MLLT3: variants seen among roughly 807,000 people sequenced by gnomAD.
MLLT3 encodes the protein protein AF-9.
A neutral mutation model predicts 53.2 loss-of-function variants in MLLT3; 4 were observed. The ratio of observed to expected loss-of-function variants is 0.08; its 90% CI spans 0.04 to 0.17. MLLT3 has a LOEUF of 0.17. Ranked by LOEUF, MLLT3 falls within the 10% of genes least tolerant of loss-of-function variation. MLLT3 has a pLI of 1.00. For synonymous variants in MLLT3, 283 were observed against 230.6 expected (o/e 1.23, Z -2.06); for missense variants, 569 against 684.0 (o/e 0.83, Z 1.87).
At chr9:20,396,098 C>T (rs1043473188) in intron 5 of MLLT3, among the ~76,000 whole-genome samples, 3 of 151,998 alleles carry the variant, frequency 2.0e-5, no homozygotes, top group Admixed American at 2.0e-4. Context: ...GGCAATGTCA[C>T]CTCATGAACA....
Position 20,402,667 on chromosome 9 carries a change from T to C in MLLT3, c.1125+11054A>G, listed in dbSNP as rs540598044. Among the ~76,000 whole-genome samples, 5 of 152,176 alleles carry C rather than the reference T, an allele frequency of 3.3e-5. No homozygotes were observed. In the South Asian group the frequency reaches 6.2e-4, roughly 19 times the overall value. ...TTTCCGTTTTGCCTAGTGATTTTTT[T>C]CCCCCCTGAAATACATCAAGTCATG... On this transcript the variant is annotated intron_variant, in intron 5 of 10. Coordinates refer to ENST00000380338, the MANE Select transcript of MLLT3 (RefSeq NM_004529.4).
intron 2 of MLLT3, among the ~76,000 whole-genome samples, chr9:20,593,309 A>G (rs1045275288): frequency 6.6e-6 from 1 of 152,164 alleles, no homozygotes; most frequent in South Asian, 2.1e-4. Flanking sequence ...AGAAACCCCA[A>G]GTTATCCTGG....
At chr9:20,462,319 A>C (rs1227539179) in intron 2 of MLLT3, among the ~76,000 whole-genome samples, 1 of 152,126 alleles carries the variant, frequency 6.6e-6, no homozygotes, top group Admixed American at 6.6e-5. Flanking sequence ...TATTTCCTCC[A>C]TTTCCTTGAA....
chr9:20,582,661 G>C (rs779937121), intron 2 of MLLT3, among the ~76,000 whole-genome samples: 1 of 152,066 alleles, frequency 6.6e-6, no homozygotes, highest in African/African-American at 2.4e-5. Flanking sequence ...CATGATAGGA[G>C]GTGAAACACA....
At chr9:20,379,235 C>T (rs1425338164) in intron 5 of MLLT3, among the ~76,000 whole-genome samples, 3 of 152,008 alleles carry the variant, frequency 2.0e-5, no homozygotes, top group East Asian at 1.9e-4. Context: ...GTTCTCACAG[C>T]CTGGACGTTG....
intron 10 of MLLT3, among the ~76,000 whole-genome samples, chr9:20,348,787 G>C (rs1333431773): frequency 1.3e-5 from 2 of 152,158 alleles, no homozygotes; most frequent in African/African-American, 2.4e-5. Flanking sequence ...TGTTTTATTA[G>C]TTATTAGTAA....
chr9:20,458,797 G>C (rs1225603457), intron 2 of MLLT3, among the ~76,000 whole-genome samples: 2 of 152,178 alleles, frequency 1.3e-5, no homozygotes, highest in Non-Finnish European at 2.9e-5. Context: ...ATCCTGAATG[G>C]GTAAGCACAG....
intron 2 of MLLT3, among the ~76,000 whole-genome samples, chr9:20,463,281 T>TG (rs535496818): frequency 5.2e-4 from 77 of 147,044 alleles, no homozygotes; most frequent in Admixed American, 2.7e-3. Flanking sequence ...TTCAAGGGGG[T>TG]GGGGGGGAGG....
intron 4 of MLLT3, among the ~76,000 whole-genome samples, chr9:20,416,036 C>T (rs561947103): frequency 8.6e-5 from 13 of 151,932 alleles, no homozygotes; most frequent in African/African-American, 2.9e-4. Flanking sequence ...TAGAAAACAT[C>T]ATAATCTGAG....
At chr9:20,588,113 G>T (rs1820025443) in intron 2 of MLLT3, among the ~76,000 whole-genome samples, 2 of 152,078 alleles carry the variant, frequency 1.3e-5, no homozygotes, top group South Asian at 2.1e-4. Flanking sequence ...TTTCCCCATT[G>T]CTTGTTTTTC....
At chr9:20,445,499 GT>G in intron 4 of MLLT3, among the ~76,000 whole-genome samples, 1 of 152,254 alleles carries the variant, frequency 6.6e-6, no homozygotes, top group East Asian at 1.9e-4. Flanking sequence ...AAAATCTGCA[GT>G]TTTTCAAGAT....
At chr9:20,531,768 A>T (rs938814438) in intron 2 of MLLT3, among the ~76,000 whole-genome samples, 30 of 152,158 alleles carry the variant, frequency 2.0e-4, no homozygotes, top group African/African-American at 4.8e-4. Context: ...TAATTTTTTT[A>T]AAATATTTTT....
chr9:20,588,634 C>T (rs892496912), intron 2 of MLLT3, among the ~76,000 whole-genome samples: 1 of 152,072 alleles, frequency 6.6e-6, no homozygotes, highest in Non-Finnish European at 1.5e-5. Flanking sequence ...CATGATTTGC[C>T]TCTCTGTTTG....
At chr9:20,398,220 G>C (rs550716757) in intron 5 of MLLT3, among the ~76,000 whole-genome samples, 1 of 151,832 alleles carries the variant, frequency 6.6e-6, no homozygotes, top group Non-Finnish European at 1.5e-5. Flanking sequence ...TCAGTCTCTC[G>C]AGCAGCTGGT....
intron 2 of MLLT3, among the ~76,000 whole-genome samples, chr9:20,593,627 TCA>T (rs1327849015): frequency 1.3e-5 from 2 of 152,212 alleles, no homozygotes; most frequent in Non-Finnish European, 2.9e-5. Context: ...TCGTTGTTTC[TCA>T]GTTTTTTTCC....
chr9:20,367,515 G>A (rs1307250579), intron 5 of MLLT3, among the ~76,000 whole-genome samples: 1 of 152,100 alleles, frequency 6.6e-6, no homozygotes, highest in South Asian at 2.1e-4. Flanking sequence ...CAGTTTTTTT[G>A]AAAGATTCCA....
intron 5 of MLLT3, among the ~76,000 whole-genome samples, chr9:20,372,627 C>G (rs950564386): frequency 7.6e-6 from 1 of 131,268 alleles, no homozygotes; most frequent in Non-Finnish European, 1.5e-5. Flanking sequence ...CCAGGATGGT[C>G]TCGATCTCCT....
chr9:20,508,607 T>C (rs1021395430), intron 2 of MLLT3, among the ~76,000 whole-genome samples: 1 of 152,188 alleles, frequency 6.6e-6, no homozygotes, highest in Non-Finnish European at 1.5e-5. Flanking sequence ...AACAAACCAC[T>C]GCTTTACAAA....
intron 5 of MLLT3, among the ~76,000 whole-genome samples, chr9:20,392,658 C>T (rs1028972937): frequency 1.3e-5 from 2 of 152,088 alleles, no homozygotes; most frequent in African/African-American, 4.8e-5. Context: ...AATACATTAT[C>T]CCTCCCAGCT....
Sources: allele counts gnomAD v4.1 joint callset (sites outside exome capture counted in the v4.1 genomes callset), GRCh38; gene constraint gnomAD v4.1.1; transcripts MANE v1.5; gene names NCBI Gene and HGNC (gene_info 2026-07-23, HGNC 2026-07-21).